The following MORC1 variants were observed in gnomAD, a reference collection of about 807,000 sequenced individuals.
The protein encoded by MORC1 is MORC family CW-type zinc finger protein 1.
In MORC1, 59 loss-of-function variants were observed where a neutral mutation model predicts 134.9. That is an observed-to-expected ratio of 0.44 (90% CI 0.35 to 0.54). The LOEUF is 0.54. Among genes scored for constraint, MORC1 ranks in the 20% least tolerant of loss-of-function variants. MORC1 has a pLI of 0.00. For synonymous variants in MORC1, 395 were observed against 391.7 expected (o/e 1.01, Z -0.10); for missense variants, 947 against 1,134.5 (o/e 0.83, Z 2.37).
Position 109,053,687 on chromosome 3 carries a change from G to A in MORC1, c.1330+1041C>T, listed in dbSNP as rs114029181. On this transcript the variant is annotated intron_variant, in intron 14 of 27. Coordinates refer to ENST00000232603, the MANE Select transcript of MORC1 (RefSeq NM_014429.4). ...TATTGGGTACTATGCTCAACACCAGGGTGACAAGTTTAGTCATATCCCAAA... is the reference window on the plus strand; with the variant it reads ...TATTGGGTACTATGCTCAACACCAGAGTGACAAGTTTAGTCATATCCCAAA... 5.1e-3 allele frequency among the ~76,000 whole-genome samples: 774 copies of A among 152,108 alleles called. 16 individuals are homozygous for A. The highest frequency in any genetic ancestry group is 0.018 in the African/African-American group (743 of 41,488).
chr3:108,975,649 T>C (rs1947527466), intron 24 of MORC1, among the ~76,000 whole-genome samples: 1 of 152,198 alleles, frequency 6.6e-6, no homozygotes, highest in Non-Finnish European at 1.5e-5. Flanking sequence ...TGCAAAATGG[T>C]GATAATAAAA....
At position 109,007,039 on chromosome 3, in the gene MORC1, G is replaced by A; in HGVS notation, c.1757C>T (p.Ser586Leu). ...ATATTAATTACTCACCTTATGTGCT[G>A]AAGTTAGGCAGGTGGAAGTGACAGT... is the stretch of plus-strand genomic sequence containing the variant. Reference protein sequence around the residue: ...EITVTSTCLTSAHKENTKTQK... With the variant: ...EITVTSTCLTLAHKENTKTQK... The change falls in exon 18 of 28, where the codon TCA (serine) becomes TTA (leucine). Residue 586 changes from serine to leucine, a missense_variant. Transcript: ENST00000232603. 1 of 1,611,810 alleles carries A rather than the reference G, an allele frequency of 6.2e-7. No homozygotes were observed. The highest frequency in any genetic ancestry group is 8.5e-7 in the Non-Finnish European group (1 of 1,178,798).
At chr3:109,106,033 C>A (rs12496001) in intron 3 of MORC1, among the ~76,000 whole-genome samples, 2 of 152,110 alleles carry the variant, frequency 1.3e-5, no homozygotes, top group Admixed American at 1.3e-4. Flanking sequence ...GGAATCCAAC[C>A]CTGTTGAGTT....
Position 108,979,459 on chromosome 3 carries a change from T to TTAGAAAGTTA in MORC1, c.2477+55_2477+56insTAACTTTCTA, listed in dbSNP as rs1438118244. 3.3e-5 allele frequency: 52 copies of TTAGAAAGTTA among 1,572,748 alleles called. No homozygotes were observed. The Admixed American group carries it at 8.9e-4, about 27-fold the overall frequency. On this transcript the variant is annotated intron_variant, in intron 24 of 27. Coordinates refer to ENST00000232603, the MANE Select transcript of MORC1 (RefSeq NM_014429.4). ...TCAGTAGGGAAAACAACAGGAGTTG[T>TTAGAAAGTTA]CACTGCTTAGAAAGTTAAACAAAGC...
At chr3:109,003,391 G>GCGCACACA (rs5851629) in intron 20 of MORC1, among the ~76,000 whole-genome samples, 2 of 146,650 alleles carry the variant, frequency 1.4e-5, no homozygotes, top group African/African-American at 2.5e-5. Context: ...ATATGTGTAT[G>GCGCACACA]CACACACACA....
chr3:109,079,845 G>A (rs745892475), intron 8 of MORC1, among the ~76,000 whole-genome samples: 4 of 151,728 alleles, frequency 2.6e-5, no homozygotes, highest in Admixed American at 6.6e-5. Flanking sequence ...GAAAAGCAAC[G>A]GAGGAAAAAA....
intron 17 of MORC1, among the ~76,000 whole-genome samples, chr3:109,015,344 A>T (rs955306638): frequency 1.3e-5 from 2 of 152,170 alleles, no homozygotes; most frequent in Non-Finnish European, 1.5e-5. Context: ...TCTACCTTAG[A>T]TCTATACCTA....
intron 8 of MORC1, among the ~76,000 whole-genome samples, chr3:109,078,883 T>C (rs1950473085): frequency 6.6e-6 from 1 of 151,804 alleles, no homozygotes; most frequent in Non-Finnish European, 1.5e-5. Flanking sequence ...CTGGAAAATA[T>C]AAATAAAATG....
intron 9 of MORC1, among the ~76,000 whole-genome samples, chr3:109,064,884 G>A (rs35654454): frequency 0.12 from 18,104 of 152,020 alleles, 1,152 homozygotes; most frequent in Non-Finnish European, 0.14. Flanking sequence ...GAGAACTCCA[G>A]CCACCATTCC....
intron 11 of MORC1, 23 bp downstream of exon 11, chr3:109,061,965 A>G (rs772263392): frequency 1.2e-5 from 20 of 1,607,306 alleles, no homozygotes; most frequent in Non-Finnish European, 1.7e-5. Flanking sequence ...ATTTAATAAG[A>G]CTACTCTCTT....
intron 3 of MORC1, 94 bp downstream of exon 3, chr3:109,110,655 A>C: frequency 9.4e-7 from 1 of 1,059,064 alleles, no homozygotes; most frequent in Admixed American, 2.8e-5. Context: ...AAAATTCTAT[A>C]GAATGTGGTT....
chr3:109,099,276 C>T (rs75540109), intron 6 of MORC1, 82 bp downstream of exon 6: 51,975 of 932,084 alleles, frequency 0.056, 1,753 homozygotes, highest in Non-Finnish European at 0.068. Context: ...AGAAAGAACC[C>T]ATGACAAGAC....
chr3:108,988,543 A>C (rs149296684), intron 21 of MORC1, among the ~76,000 whole-genome samples: 131 of 152,196 alleles, frequency 8.6e-4, no homozygotes, highest in Non-Finnish European at 1.7e-3. Context: ...AAGTGTCTCC[A>C]ACTTCAGACT....
At chr3:109,076,218 C>T (rs1039741072) in intron 8 of MORC1, among the ~76,000 whole-genome samples, 1 of 152,006 alleles carries the variant, frequency 6.6e-6, no homozygotes, top group Admixed American at 6.6e-5. Context: ...GGCCAACAAA[C>T]GTATGAAAAA....
intron 23 of MORC1, among the ~76,000 whole-genome samples, chr3:108,981,704 G>A (rs1237423106): frequency 6.6e-6 from 1 of 152,142 alleles, no homozygotes; most frequent in East Asian, 1.9e-4. Flanking sequence ...AGTGTAAGTG[G>A]TCAGTAAATA....
At chr3:109,040,526 G>A (rs1949513366) in intron 14 of MORC1, among the ~76,000 whole-genome samples, 1 of 151,140 alleles carries the variant, frequency 6.6e-6, no homozygotes, top group African/African-American at 2.4e-5. Context: ...AAGAAACAAA[G>A]AAATAAAGAA....
intron 21 of MORC1, among the ~76,000 whole-genome samples, chr3:108,998,952 G>GA (rs1948314755): frequency 6.6e-6 from 1 of 152,182 alleles, no homozygotes; most frequent in South Asian, 2.1e-4. Context: ...CAAAAGCTGT[G>GA]TGCAAAGCTG....
chr3:109,076,477 GTA>G (rs999047686), intron 8 of MORC1, among the ~76,000 whole-genome samples: 3 of 152,134 alleles, frequency 2.0e-5, no homozygotes, highest in Non-Finnish European at 2.9e-5. Flanking sequence ...CCATTACTGG[GTA>G]TACACCCAAA....
At chr3:109,030,645 T>C (rs1191265001) in intron 16 of MORC1, among the ~76,000 whole-genome samples, 2 of 152,186 alleles carry the variant, frequency 1.3e-5, no homozygotes. Flanking sequence ...AGAAAACTTT[T>C]TTGCACTTTA....
Sources: gnomAD v4.1 joint callset for allele counts (sites outside exome capture counted in the v4.1 genomes callset) on GRCh38, gnomAD v4.1.1 for gene constraint, MANE v1.5 for transcripts, NCBI Gene and HGNC (gene_info 2026-07-23, HGNC 2026-07-21) for gene names.